MARF1: variants seen among roughly 807,000 people sequenced by gnomAD.
The protein encoded by MARF1 is limkain-b1.
In MARF1, 24 loss-of-function variants were observed where a neutral mutation model predicts 168.2. The observed-to-expected ratio is 0.14, with a 90% CI of 0.10 to 0.20. The LOEUF is 0.20. Ranked by LOEUF, MARF1 falls within the 10% of genes least tolerant of loss-of-function variation. The probability of loss-of-function intolerance (pLI) is 1.00; values close to 1 mark genes in which losing one functional copy is unlikely to be tolerated. For missense variants in MARF1, 1,744 were observed against 2,143.6 expected (o/e 0.81, Z 3.68); for synonymous variants, 868 against 822.4 (o/e 1.06, Z -0.95).
At chr16:15,621,142 T>C (rs2034430340) in intron 12 of MARF1, among the ~76,000 whole-genome samples, 1 of 151,082 alleles carries the variant, frequency 6.6e-6, no homozygotes. Context: ...TAAGTAATAG[T>C]GAAGTACAAG....
chr16:15,607,918 G>A (rs1054732238), intron 21 of MARF1, among the ~76,000 whole-genome samples: 5 of 152,162 alleles, frequency 3.3e-5, no homozygotes, highest in South Asian at 2.1e-4. Context: ...GTGTGATTAC[G>A]GGCTCCCAAG....
intron 11 of MARF1, among the ~76,000 whole-genome samples, chr16:15,622,455 C>T (rs1243444832): frequency 6.6e-6 from 1 of 151,602 alleles, no homozygotes; most frequent in African/African-American, 2.4e-5. Context: ...GCAGTGGCGT[C>T]ATCTCAGCTT....
chr16:15,630,542 A>G, intron 6 of MARF1, 38 bp from the exon 7 acceptor site: 1 of 1,562,526 alleles, frequency 6.4e-7, no homozygotes, highest in South Asian at 1.2e-5. Flanking sequence ...ATCCCCAAAC[A>G]TTAGAAACAC....
At chr16:15,601,047 A>C (rs1449768069) in intron 23 of MARF1, 4 of 548,260 alleles carry the variant, frequency 7.3e-6, no homozygotes, top group Admixed American at 2.2e-5. Flanking sequence ...GAAACTGAAC[A>C]ACCACCTAAA....
chr16:15,621,760 G>A lies in MARF1; in HGVS notation c.2612C>T (p.Ala871Val). Residue 871 changes from alanine (A) to valine (V), a missense_variant, in exon 12 of 27, where the codon GCT becomes GTT. Transcript: ENST00000396368. The stretch of plus-strand genomic sequence containing the variant: ...CAGTAAAGAGAGTGATTTGCTGGCA[G>A]CCCCGGTGGCAAGTGAGACCAGGAT... ...KKILVSLATG[A>V]ASKSLSLLSA... 1.2e-6 allele frequency: 2 copies of A among 1,614,092 alleles called. No individual in the cohort carries two copies. The highest frequency in any genetic ancestry group is 1.7e-6 in the Non-Finnish European group (2 of 1,180,006).
At chr16:15,622,019 A>G (rs2034497264) in intron 11 of MARF1, 108 bp from the exon 12 acceptor site, 1 of 928,932 alleles carries the variant, frequency 1.1e-6, no homozygotes, top group Admixed American at 2.5e-5. Context: ...CAGCGCTTCC[A>G]TGAAGGAGTA....
intron 23 of MARF1, 197 bp from the exon 24 acceptor site, chr16:15,600,898 A>G: frequency 1.4e-6 from 1 of 709,764 alleles, no homozygotes. Flanking sequence ...CCCTATAAAA[A>G]GCAGAGTAGT....
intron 21 of MARF1, 38 bp downstream of exon 21, chr16:15,608,253 C>T (rs758619849): frequency 4.5e-6 from 6 of 1,320,940 alleles, no homozygotes; most frequent in Non-Finnish European, 4.2e-6. Context: ...AGTTTTATCC[C>T]ATGAGGGAAA....
chr16:15,617,346 T>G lies in MARF1; in HGVS notation c.2910A>C (p.Glu970Asp). 1.2e-6 allele frequency: 2 copies of G among 1,614,160 alleles called. No homozygotes were observed. Among genetic ancestry groups the G allele is most frequent in the Non-Finnish European group, 1.7e-6 (2 of 1,180,034 alleles). ...NCSPIIFEELEYHEPVCRQHC... is the reference protein window; with the variant it reads ...NCSPIIFEELDYHEPVCRQHC... ...GCTGTCTGCAGACAGGCTCGTGATA[T>G]TCTAACTCTTCAAATATAATTGGGC... is the stretch of plus-strand genomic sequence containing the variant. The change falls in exon 14 of 27, where the codon GAA becomes GAC. Residue 970 changes from glutamate (E) to aspartate (D), a missense_variant. This residue lies in a region of MARF1 where 543 missense variants were observed against 742.1 expected (regional missense o/e 0.73). Coordinates refer to ENST00000396368, the MANE Select transcript of MARF1 (RefSeq NM_014647.4).
intron 16 of MARF1, among the ~76,000 whole-genome samples, chr16:15,613,657 G>T (rs1243942198): frequency 3.5e-5 from 1 of 28,558 alleles, no homozygotes; most frequent in East Asian, 8.7e-4. Flanking sequence ...GCGAGATTCC[G>T]TCTCAATAAA....
chr16:15,617,704 G>A (rs1228929620), intron 13 of MARF1, among the ~76,000 whole-genome samples, 169 bp from the exon 14 acceptor site: 2 of 152,178 alleles, frequency 1.3e-5, no homozygotes, highest in Non-Finnish European at 2.9e-5. Context: ...AACCAGTGAT[G>A]CTTGGTACTC....
intron 12 of MARF1, 129 bp from the exon 13 acceptor site, chr16:15,620,660 T>C (rs2034390750): frequency 3.3e-6 from 2 of 597,696 alleles, no homozygotes; most frequent in Non-Finnish European, 2.9e-6. Flanking sequence ...TGTCAGAATG[T>C]ATTTTCCAGA....
intron 22 of MARF1, 53 bp downstream of exon 22, chr16:15,604,115 T>C (rs1186230578): frequency 3.7e-6 from 5 of 1,350,424 alleles, no homozygotes; most frequent in Admixed American, 3.4e-5. Flanking sequence ...AATCCGGAAA[T>C]GCCCAATCGA....
chr16:15,620,388 G>C, intron 13 of MARF1, 63 bp downstream of exon 13: 1 of 971,840 alleles, frequency 1.0e-6, no homozygotes, highest in Non-Finnish European at 1.6e-6. Context: ...CATTACCATG[G>C]TTTTGTGCAT....
intron 16 of MARF1, 121 bp from the exon 17 acceptor site, chr16:15,612,898 C>G: frequency 1.4e-6 from 1 of 731,114 alleles, no homozygotes; most frequent in Non-Finnish European, 2.4e-6. Context: ...AAACCAAATA[C>G]AGTAGCTGCT....
intron 3 of MARF1, chr16:15,635,444 A>G (rs975889657): frequency 3.6e-6 from 2 of 560,244 alleles, no homozygotes; most frequent in Non-Finnish European, 6.2e-6. Context: ...AGTATAAACT[A>G]CAAAAATAAT....
chr16:15,636,536 T>C (rs1466203299), intron 2 of MARF1, among the ~76,000 whole-genome samples, 194 bp from the exon 3 acceptor site: 1 of 152,170 alleles, frequency 6.6e-6, no homozygotes, highest in Non-Finnish European at 1.5e-5. Flanking sequence ...ACATGAACAC[T>C]GGAACACACA....
chr16:15,636,433 G>T, intron 2 of MARF1, 91 bp from the exon 3 acceptor site: 1 of 888,634 alleles, frequency 1.1e-6, no homozygotes, highest in Non-Finnish European at 1.7e-6. Flanking sequence ...AACAGAAATA[G>T]TGTTCAATTC....
At chr16:15,613,322 G>C (rs2033738830) in intron 16 of MARF1, among the ~76,000 whole-genome samples, 1 of 152,028 alleles carries the variant, frequency 6.6e-6, no homozygotes, top group Non-Finnish European at 1.5e-5. Context: ...CTATTAAAAA[G>C]GTATAAGTAA....
Sources: gnomAD v4.1 joint callset for allele counts (sites outside exome capture counted in the v4.1 genomes callset) on GRCh38, gnomAD v4.1.1 for gene constraint, gnomAD v4.1.1 regional missense constraint, MANE v1.5 for transcripts, NCBI Gene and HGNC (gene_info 2026-07-23, HGNC 2026-07-21) for gene names.